The following CDH23 variants were observed in gnomAD, a reference collection of about 807,000 sequenced individuals.
CDH23 encodes cadherin related 23.
In CDH23, 189 loss-of-function variants were observed where a neutral mutation model predicts 317.1. That is an observed-to-expected ratio of 0.60 (90% CI 0.53 to 0.67). The LOEUF (loss-of-function observed/expected upper bound fraction) is 0.67, where lower values mean the gene tolerates loss of function less well. Among genes scored for constraint, CDH23 ranks in the 30% least tolerant of loss-of-function variants. The pLI, the probability that CDH23 is intolerant of heterozygous loss-of-function variation, is 0.00. For synonymous variants in CDH23, 1,839 were observed against 1,876.8 expected (o/e 0.98, Z 0.52); for missense variants, 4,401 against 4,592.4 (o/e 0.96, Z 1.20).
At chr10:71,682,936 A>G (rs1864714367) in intron 18 of CDH23, among the ~76,000 whole-genome samples, 2 of 152,194 alleles carry the variant, frequency 1.3e-5, no homozygotes, top group Admixed American at 1.3e-4. Context: ...TGTGAAGAAC[A>G]GAAGAATGAC....
At chr10:71,805,412 G>C (rs1463680041) in intron 55 of CDH23, among the ~76,000 whole-genome samples, 1 of 152,248 alleles carries the variant, frequency 6.6e-6, no homozygotes, top group Admixed American at 6.5e-5. Context: ...GTAGCAGAGA[G>C]AGCAAGACTG....
chr10:71,761,430 C>T (rs1159479016), intron 38 of CDH23, among the ~76,000 whole-genome samples: 4 of 152,116 alleles, frequency 2.6e-5, no homozygotes, highest in Admixed American at 2.0e-4. Flanking sequence ...AACTACAAAC[C>T]CACACTCCAC....
chr10:71,632,481 CAGAG>C (rs1862058711), intron 11 of CDH23, among the ~76,000 whole-genome samples: 1 of 152,132 alleles, frequency 6.6e-6, no homozygotes. Flanking sequence ...TGGGCAATGA[CAGAG>C]AGCACCGGTG....
intron 3 of CDH23, among the ~76,000 whole-genome samples, chr10:71,477,836 C>T (rs1037000983): frequency 6.6e-6 from 1 of 152,142 alleles, no homozygotes; most frequent in Non-Finnish European, 1.5e-5. Flanking sequence ...CTGTCCCTTT[C>T]TCTCTCTGCT....
In CDH23 at chr10:71,640,841, A is replaced by G. The variant is rs60612897; in HGVS notation, c.1135-3020A>G. 4.6e-5 allele frequency among the ~76,000 whole-genome samples: 7 copies of G among 152,316 alleles called. No homozygotes were observed. In the East Asian group the frequency reaches 9.6e-4, roughly 21 times the overall value. ...TCAGAAGATCTGGGCGTGGCCCCCA[A>G]TTTTGCATTTCTAACAAGCTCCAGG... is the stretch of plus-strand genomic sequence containing the variant. On this transcript the variant is annotated intron_variant, in intron 11 of 69. Coordinates refer to ENST00000224721, the MANE Select transcript of CDH23 (RefSeq NM_022124.6).
chr10:71,538,888 G>C (rs1855844876), intron 6 of CDH23, among the ~76,000 whole-genome samples: 1 of 152,200 alleles, frequency 6.6e-6, no homozygotes, highest in Non-Finnish European at 1.5e-5. Flanking sequence ...GTTTTGCCAA[G>C]TTCTCATGGT....
intron 3 of CDH23, among the ~76,000 whole-genome samples, chr10:71,469,785 A>G (rs1440108375): frequency 6.6e-6 from 1 of 152,002 alleles, no homozygotes; most frequent in Non-Finnish European, 1.5e-5. Flanking sequence ...TTGTATTTTT[A>G]GTAGAGATGG....
At chr10:71,621,790 T>C (rs977978533) in intron 11 of CDH23, among the ~76,000 whole-genome samples, 3 of 152,224 alleles carry the variant, frequency 2.0e-5, no homozygotes, top group African/African-American at 4.8e-5. Context: ...TCTCAGACTC[T>C]GCTAGACCAT....
At chr10:71,634,829 G>A (rs745468349) in intron 11 of CDH23, among the ~76,000 whole-genome samples, 3 of 152,244 alleles carry the variant, frequency 2.0e-5, no homozygotes, top group Non-Finnish European at 2.9e-5. Flanking sequence ...TGTGTCCCCC[G>A]ATCTCCACAT....
chr10:71,803,433 C>G lies in CDH23; in HGVS notation c.7872+13C>G. The G allele has an allele frequency of 1.3e-6, 2 of 1,568,496 alleles. No homozygotes were observed. The highest frequency in any genetic ancestry group is 1.7e-6 in the Non-Finnish European group (2 of 1,156,532). On this transcript the variant is annotated intron_variant, in intron 55 of 69. Coordinates refer to ENST00000224721, the MANE Select transcript of CDH23 (RefSeq NM_022124.6). ...CCACATCAGAGAGGTACTCCTGCCC[C>G]GAGGGCCTCCTGCCCACCAGTATTT... is the stretch of plus-strand genomic sequence containing the variant.
chr10:71,423,870 G>C (rs993701644), intron 1 of CDH23, among the ~76,000 whole-genome samples: 1 of 152,184 alleles, frequency 6.6e-6, no homozygotes, highest in African/African-American at 2.4e-5. Flanking sequence ...TTCTAAGATC[G>C]CCTGGTCTGG....
chr10:71,696,795 C>T (rs1865407048), intron 22 of CDH23, among the ~76,000 whole-genome samples: 1 of 152,176 alleles, frequency 6.6e-6, no homozygotes, highest in Non-Finnish European at 1.5e-5. Flanking sequence ...TTTTTCAAAG[C>T]CCCGTAGAGG....
chr10:71,760,162 TATATAC>T (rs1193996252), intron 38 of CDH23, among the ~76,000 whole-genome samples: 4 of 26,704 alleles, frequency 1.5e-4, no homozygotes, highest in African/African-American at 8.0e-4. Flanking sequence ...TATATATATG[TATATAC>T]ATATATATGT....
At position 71,812,604 on chromosome 10, in the gene CDH23, A is replaced by G. The variant is rs1841977328; in HGVS notation, c.9505A>G (p.Thr3169Ala). ...CGACCTGTGGAACAGCCCCACGCGC[A>G]CCCATGTGAGCCAGAGGCGGTCAGG... is the stretch of plus-strand genomic sequence containing the variant. ...IADLWNSPTR[T>A]HGTFGREPAA... Residue 3169 changes from threonine (T) to alanine (A), a missense_variant, in exon 67 of 70, where the codon ACC becomes GCC. Physicochemically the swap from Thr to Ala is moderately conservative, Grantham distance 58 (BLOSUM62 0). Transcript: ENST00000224721. The G allele has an allele frequency of 2.5e-6, 4 of 1,613,716 alleles. No homozygotes were observed. In the Admixed American group the frequency reaches 6.7e-5, roughly 27 times the overall value.
chr10:71,738,616 C>G lies in CDH23; in HGVS notation c.4328C>G (p.Ala1443Gly), dbSNP rs1839637016. Residue 1443 changes from alanine (A) to glycine (G), a missense_variant, in exon 35 of 70, where the codon GCC (alanine) becomes GGC (glycine). Transcript: ENST00000224721. ...PVGQRVATVKAWDPDAGSNGQ... is the reference protein window; with the variant it reads ...PVGQRVATVKGWDPDAGSNGQ... Reference sequence around the variant, plus strand: ...GGCCAGCGAGTGGCTACTGTCAAGGCCTGGGACCCTGATGCTGGCAGCAAT... The same window carrying G: ...GGCCAGCGAGTGGCTACTGTCAAGGGCTGGGACCCTGATGCTGGCAGCAAT... 5.6e-6 allele frequency: 9 copies of G among 1,613,614 alleles called. No homozygotes were observed. The East Asian group carries it at 2.0e-4, about 36-fold the overall frequency.
At chr10:71,577,312 C>T (rs542413146) in intron 8 of CDH23, among the ~76,000 whole-genome samples, 31 of 152,146 alleles carry the variant, frequency 2.0e-4, no homozygotes, top group Middle Eastern at 3.4e-3. Context: ...CAGAGCCATT[C>T]CAAGCAGGAA....
chr10:71,506,377 TA>T (rs1376981313), intron 3 of CDH23, among the ~76,000 whole-genome samples: 1 of 152,210 alleles, frequency 6.6e-6, no homozygotes, highest in Non-Finnish European at 1.5e-5. Flanking sequence ...GTTGAAGAGG[TA>T]AATTGCATGT....
intron 57 of CDH23, 67 bp downstream of exon 57, chr10:71,806,348 T>A (rs1229327150): frequency 2.8e-6 from 3 of 1,073,594 alleles, no homozygotes; most frequent in Non-Finnish European, 4.2e-6. Context: ...AAGCACACAC[T>A]CTCCTATATA....
chr10:71,812,987 G>T, intron 68 of CDH23, 97 bp downstream of exon 68: 1 of 1,543,330 alleles, frequency 6.5e-7, no homozygotes, highest in South Asian at 1.2e-5. Flanking sequence ...GGCTCAGCTA[G>T]ACCCACCCTC....
Sources: gnomAD v4.1 joint callset for allele counts (sites outside exome capture counted in the v4.1 genomes callset) on GRCh38, gnomAD v4.1.1 for gene constraint, MANE v1.5 for transcripts, NCBI Gene and HGNC (gene_info 2026-07-23, HGNC 2026-07-21) for gene names.